Variants in NPSR1 observed in about 807,000 individuals in gnomAD.
The protein encoded by NPSR1 is neuropeptide S receptor.
NPSR1 carries 48 observed loss-of-function variants against 46.9 expected under a neutral mutation model. That is an observed-to-expected ratio of 1.02 (90% CI 0.81 to 1.30). The LOEUF (loss-of-function observed/expected upper bound fraction) is 1.30, where lower values mean the gene tolerates loss of function less well. NPSR1 is among the 50% of genes most tolerant of loss of function. NPSR1 has a pLI of 0.00. For synonymous variants in NPSR1, 176 were observed against 168.1 expected (o/e 1.05, Z -0.36); for missense variants, 450 against 449.5 (o/e 1.00, Z -0.01).
Position 34,876,982 on chromosome 7 carries a change from G to A in NPSR1, c.1026-1094G>A, listed in dbSNP as rs1029599273. 2.6e-5 allele frequency among the ~76,000 whole-genome samples: 4 copies of A among 152,308 alleles called. No homozygotes were observed. The East Asian group carries it at 7.7e-4, about 29-fold the overall frequency. Reference sequence around the variant, plus strand: ...GGCTGCAGGTCACATGGCAGAGCCTGAGTCCCCCATACAGACACACAACCT... The same window carrying A: ...GGCTGCAGGTCACATGGCAGAGCCTAAGTCCCCCATACAGACACACAACCT... On this transcript the variant is annotated intron_variant, in intron 8 of 8. Coordinates refer to the NPSR1 transcript ENST00000359791.
intron 2 of NPSR1, among the ~76,000 whole-genome samples, chr7:34,714,988 T>C (rs1407055161): frequency 1.3e-5 from 2 of 152,190 alleles, no homozygotes; most frequent in African/African-American, 2.4e-5. Flanking sequence ...TTCACAGTAA[T>C]GATGTGTGCC....
downstream of NPSR1, among the ~76,000 whole-genome samples, chr7:34,851,836 GTCTC>G (rs1562773441): frequency 6.6e-6 from 1 of 152,194 alleles, no homozygotes; most frequent in African/African-American, 2.4e-5. Flanking sequence ...TTGTGATGCT[GTCTC>G]TCTCATTTCC....
At chr7:34,815,549 A>G (rs1310625991) in intron 4 of NPSR1, among the ~76,000 whole-genome samples, 3 of 152,164 alleles carry the variant, frequency 2.0e-5, no homozygotes, top group Non-Finnish European at 2.9e-5. Flanking sequence ...CCAACACTCA[A>G]ATTCAGGAAA....
At chr7:34,829,309 A>G (rs1170170686) in intron 5 of NPSR1, among the ~76,000 whole-genome samples, 2 of 152,226 alleles carry the variant, frequency 1.3e-5, no homozygotes, top group Non-Finnish European at 2.9e-5. Flanking sequence ...ATCTCTGCTG[A>G]ATGGACAACT....
intron 2 of NPSR1, among the ~76,000 whole-genome samples, chr7:34,701,030 C>G (rs1297050671): frequency 2.0e-5 from 3 of 152,148 alleles, no homozygotes; most frequent in Non-Finnish European, 4.4e-5. Context: ...TTGTTTTGCT[C>G]TTTTATTCAG....
intron 2 of NPSR1, chr7:34,751,936 G>A (rs1011589341): frequency 1.7e-5 from 22 of 1,285,566 alleles, no homozygotes; most frequent in Middle Eastern, 1.8e-4. Flanking sequence ...TGTTCCTGAG[G>A]CAACTGGAAG....
intron 1 of NPSR1, among the ~76,000 whole-genome samples, chr7:34,673,351 A>C (rs1450576039): frequency 1.3e-5 from 2 of 152,202 alleles, no homozygotes; most frequent in African/African-American, 2.4e-5. Flanking sequence ...TACAGATTAC[A>C]AACCAGTATA....
downstream of NPSR1, among the ~76,000 whole-genome samples, chr7:34,853,903 T>G (rs532571063): frequency 6.7e-6 from 1 of 149,772 alleles, no homozygotes; most frequent in South Asian, 2.1e-4. Flanking sequence ...GAGGAGGAGG[T>G]TGCAGTGAGC....
In NPSR1 at chr7:34,811,863, G is replaced by A. The variant is rs200993440; in HGVS notation, c.478G>A (p.Glu160Lys). The A allele has an allele frequency of 1.5e-4, 238 of 1,610,616 alleles. No homozygotes were observed. Among genetic ancestry groups the A allele is most frequent in the Non-Finnish European group, 1.9e-4 (228 of 1,177,494 alleles). ...IVYPMKFLQG[E>K]KQARVLIVIA... is the part of the protein sequence containing the mutation. ...CTACCCCATGAAGTTCCTTCAAGGA[G>A]GTGAGCTGGCTTTACCAGGTGCTCT... Residue 160 changes from glutamate (E) to lysine (K), a missense_variant and splice_region_variant, in exon 4 of 9, where the codon GAA becomes AAA. Transcript: ENST00000360581.
chr7:34,668,323 A>G (rs1173350261), intron 1 of NPSR1, among the ~76,000 whole-genome samples: 3 of 152,230 alleles, frequency 2.0e-5, no homozygotes, highest in Non-Finnish European at 4.4e-5. Context: ...ACACAGAGCA[A>G]CCCATGCAGA....
chr7:34,734,012 G>A (rs1210248015), intron 2 of NPSR1, among the ~76,000 whole-genome samples: 1 of 152,216 alleles, frequency 6.6e-6, no homozygotes, highest in Admixed American at 6.5e-5. Flanking sequence ...GGGAGTGACA[G>A]AATCAGATTG....
At chr7:34,783,714 T>C (rs1342810668) in intron 3 of NPSR1, among the ~76,000 whole-genome samples, 1 of 152,060 alleles carries the variant, frequency 6.6e-6, no homozygotes, top group African/African-American at 2.4e-5. Flanking sequence ...AGACATATTA[T>C]AATCAAACTG....
At chr7:34,728,143 T>G (rs1039202863) in intron 2 of NPSR1, among the ~76,000 whole-genome samples, 1 of 152,012 alleles carries the variant, frequency 6.6e-6, no homozygotes, top group Admixed American at 6.6e-5. Context: ...TAGTTACATA[T>G]GTATACATGT....
At chr7:34,741,544 TG>T (rs1424342409) in intron 2 of NPSR1, among the ~76,000 whole-genome samples, 2 of 152,166 alleles carry the variant, frequency 1.3e-5, no homozygotes, top group Non-Finnish European at 2.9e-5. Flanking sequence ...TTTTAGCAAA[TG>T]TGGTTCAGGA....
At chr7:34,775,347 G>A (rs62462889) in intron 2 of NPSR1, among the ~76,000 whole-genome samples, 18,915 of 152,144 alleles carry the variant, frequency 0.12, 1,476 homozygotes, top group Non-Finnish European at 0.17. Flanking sequence ...GATAATATTG[G>A]CCTCGTAGAA....
chr7:34,690,408 G>T (rs1793188720), intron 2 of NPSR1, among the ~76,000 whole-genome samples: 1 of 152,062 alleles, frequency 6.6e-6, no homozygotes, highest in Admixed American at 6.6e-5. Context: ...TAACCAAGAT[G>T]AAATATTTGA....
Position 34,750,556 on chromosome 7 carries a change from A to T in NPSR1, c.281-27906A>T, listed in dbSNP as rs566040001. 5 of 697,570 alleles carry T rather than the reference A, an allele frequency of 7.2e-6. No individual in the cohort carries two copies. The East Asian group carries it at 1.4e-4, about 19-fold the overall frequency. 43.2% of individuals were successfully genotyped at this position (697,570 alleles called of 1,614,324 possible). A position where few individuals can be genotyped will look rare whatever the true frequency, so the allele number is the denominator to read the frequency against. ...CTGCTTGGTTAATCTCAAGCTCCTCAATCCCATCCAAACCTCTGGCATGAC... is the reference window on the plus strand; with the variant it reads ...CTGCTTGGTTAATCTCAAGCTCCTCTATCCCATCCAAACCTCTGGCATGAC... On this transcript the variant is annotated intron_variant, in intron 2 of 8. Coordinates refer to ENST00000360581, the MANE Select transcript of NPSR1 (RefSeq NM_207172.2).
chr7:34,717,439 A>C (rs1783635973), intron 2 of NPSR1, among the ~76,000 whole-genome samples: 1 of 152,174 alleles, frequency 6.6e-6, no homozygotes, highest in South Asian at 2.1e-4. Flanking sequence ...CCACATAACA[A>C]GTCTTATCAG....
chr7:34,688,812 A>G (rs1410376968), intron 2 of NPSR1, among the ~76,000 whole-genome samples: 1 of 152,120 alleles, frequency 6.6e-6, no homozygotes, highest in Non-Finnish European at 1.5e-5. Context: ...CAGGCATTTG[A>G]CACACCTGAT....
Sources: gnomAD v4.1 joint callset for allele counts (sites outside exome capture counted in the v4.1 genomes callset) on GRCh38, gnomAD v4.1.1 for gene constraint, MANE v1.5 for transcripts, NCBI Gene and HGNC (gene_info 2026-07-23, HGNC 2026-07-21) for gene names.